Variants in SLC5A1 observed in about 807,000 individuals in gnomAD.
SLC5A1 encodes solute carrier family 5 member 1, also known as sodium/glucose cotransporter 1.
In SLC5A1, 42 loss-of-function variants were observed where a neutral mutation model predicts 73.5. The ratio of observed to expected loss-of-function variants is 0.57; its 90% CI spans 0.45 to 0.74. The LOEUF (loss-of-function observed/expected upper bound fraction) is 0.74, where lower values mean the gene tolerates loss of function less well. Ranked by LOEUF, SLC5A1 falls within the 30% of genes least tolerant of loss-of-function variation. The pLI is 0.00. For missense variants in SLC5A1, 634 were observed against 855.4 expected, an observed-to-expected ratio of 0.74 and a Z score of 3.23; for synonymous variants, 300 against 317.4, an observed-to-expected ratio of 0.95 and a Z score of 0.58.
At chr22:32,080,310 C>G (rs2093997496) in intron 5 of SLC5A1, among the ~76,000 whole-genome samples, 1 of 152,094 alleles carries the variant, frequency 6.6e-6, no homozygotes, top group Non-Finnish European at 1.5e-5. Flanking sequence ...CTCAAAAGGC[C>G]CACCTTCGGG....
At position 32,102,049 on chromosome 22, in the gene SLC5A1, C is replaced by A; in HGVS notation, c.1477C>A (p.Leu493Ile). ...PGAFWGLILG[L>I]LIGISRMITE... ...AGCCTTTTGGGGACTGATCCTAGGA[C>A]TTCTGATTGGGATTTCACGTATGAT... is the stretch of plus-strand genomic sequence containing the variant. Residue 493 changes from leucine (L) to isoleucine (I), a missense_variant, in exon 13 of 15, where the codon CTT becomes ATT. By Grantham distance (5) the Leu-to-Ile change is conservative (BLOSUM62 2). Around this residue, in one of 3 missense-constraint regions of SLC5A1, gnomAD observed 422 missense variants for 626.1 expected, o/e 0.67. Coordinates refer to ENST00000266088, the MANE Select transcript of SLC5A1 (RefSeq NM_000343.4). The A allele has an allele frequency of 6.2e-7, 1 of 1,614,110 alleles. No individual in the cohort carries two copies. The highest frequency in any genetic ancestry group is 8.5e-7 in the Non-Finnish European group (1 of 1,180,002).
chr22:32,068,583 A>C lies in SLC5A1; in HGVS notation c.460A>C (p.Ile154Leu). 1 of 1,611,602 alleles carries C rather than the reference A, an allele frequency of 6.2e-7. No individual in the cohort carries two copies. The highest frequency in any genetic ancestry group is 8.5e-7 in the Non-Finnish European group (1 of 1,179,026). Residue 154 changes from isoleucine to leucine, a missense_variant, in exon 5 of 15, where the codon ATT becomes CTT. This residue lies in a region of SLC5A1 where 422 missense variants were observed against 626.1 expected (regional missense o/e 0.67). Coordinates refer to ENST00000266088, the MANE Select transcript of SLC5A1 (RefSeq NM_000343.4). ...YLSLLSLLLY[I>L]FTKISADIFS... ...TTCCCTTCTGTCCCTGCTGCTCTAC[A>C]TTTTCACCAAGATCTCGGTGAGTCC... is the stretch of plus-strand genomic sequence containing the variant.
intron 12 of SLC5A1, among the ~76,000 whole-genome samples, chr22:32,101,595 A>C (rs2094036425): frequency 6.6e-6 from 1 of 152,212 alleles, no homozygotes; most frequent in Non-Finnish European, 1.5e-5. Context: ...AATACAAATT[A>C]CCTCACAAGT....
chr22:32,052,033 A>AT (rs1257875156), intron 2 of SLC5A1, among the ~76,000 whole-genome samples: 1 of 152,236 alleles, frequency 6.6e-6, no homozygotes, highest in Non-Finnish European at 1.5e-5. Context: ...AAGGACTGTC[A>AT]TATCACTTAT....
chr22:32,049,174 T>TATCTA (rs2093941666), intron 1 of SLC5A1, among the ~76,000 whole-genome samples: 1 of 7,130 alleles, frequency 1.4e-4, no homozygotes, highest in South Asian at 6.3e-3. Context: ...TCTATATCTA[T>TATCTA]ATCTATATCT....
chr22:32,072,244 A>G (rs1450831317), intron 5 of SLC5A1, among the ~76,000 whole-genome samples: 3 of 152,042 alleles, frequency 2.0e-5, no homozygotes, highest in South Asian at 2.1e-4. Flanking sequence ...CCCAGTGTCT[A>G]TTGTTCCCTT....
At position 32,047,624 on chromosome 22, in the gene SLC5A1, C is replaced by T. The variant is rs543541424; in HGVS notation, c.136-2319C>T. On this transcript the variant is annotated intron_variant, in intron 1 of 14. Transcript: ENST00000266088. ...ATGCTCTCCCGGGTACTGCCCAGCA[C>T]ATGGGGGTGCTCAAGAAATCTATGT... Among the ~76,000 whole-genome samples, 10 of 152,318 alleles carry T rather than the reference C, an allele frequency of 6.6e-5. No individual in the cohort carries two copies. The East Asian group carries it at 1.5e-3, about 23-fold the overall frequency.
Position 32,050,242 on chromosome 22 carries a change from A to G in SLC5A1, c.207+228A>G, listed in dbSNP as rs114380637. 6.0e-3 allele frequency among the ~76,000 whole-genome samples: 916 copies of G among 152,270 alleles called. 7 individuals are homozygous for G. The highest frequency in any genetic ancestry group is 0.021 in the African/African-American group (858 of 41,538). The stretch of plus-strand genomic sequence containing the variant: ...CCTTAGAGTCCTTCAATAAAATACA[A>G]AGTTGGTTCAAAGCCTATCATTGGT... On this transcript the variant is annotated intron_variant, in intron 2 of 14. Transcript: ENST00000266088.
At chr22:32,091,302 C>CACAT in intron 10 of SLC5A1, among the ~76,000 whole-genome samples, 1 of 35,256 alleles carries the variant, frequency 2.8e-5, no homozygotes, top group South Asian at 7.6e-4. Context: ...TACACAAACA[C>CACAT]ACACACACAC....
At chr22:32,088,450 C>A (rs535310487) in intron 10 of SLC5A1, among the ~76,000 whole-genome samples, 1 of 151,674 alleles carries the variant, frequency 6.6e-6, no homozygotes, top group Non-Finnish European at 1.5e-5. Context: ...AATTCTCCTG[C>A]CTTAGCCTCT....
At chr22:32,087,844 T>C (rs922715768) in intron 10 of SLC5A1, among the ~76,000 whole-genome samples, 3 of 152,006 alleles carry the variant, frequency 2.0e-5, no homozygotes, top group African/African-American at 4.8e-5. Flanking sequence ...CATTTTACAG[T>C]TGGGGAAACG....
intron 2 of SLC5A1, among the ~76,000 whole-genome samples, chr22:32,054,138 A>G (rs1157543010): frequency 6.6e-6 from 1 of 152,158 alleles, no homozygotes; most frequent in African/African-American, 2.4e-5. Flanking sequence ...GCACCATTGC[A>G]CTCCAGCTTG....
chr22:32,066,852 G>A (rs1171827889), intron 2 of SLC5A1, 83 bp from the exon 3 acceptor site: 1 of 940,930 alleles, frequency 1.1e-6, no homozygotes, highest in African/African-American at 1.6e-5. Context: ...TCTCTTGGCT[G>A]ACATGTCTCC....
intron 5 of SLC5A1, among the ~76,000 whole-genome samples, chr22:32,075,324 G>C (rs575251270): frequency 6.6e-6 from 1 of 152,136 alleles, no homozygotes; most frequent in Non-Finnish European, 1.5e-5. Context: ...ACTGGGAGCA[G>C]GGTCTCTCCA....
At chr22:32,095,313 T>G (rs1051236273) in intron 11 of SLC5A1, among the ~76,000 whole-genome samples, 1 of 152,216 alleles carries the variant, frequency 6.6e-6, no homozygotes, top group Non-Finnish European at 1.5e-5. Context: ...CAATGTATAT[T>G]CTGTGGTCAA....
intron 2 of SLC5A1, among the ~76,000 whole-genome samples, chr22:32,065,904 A>G (rs734091): frequency 6.6e-6 from 1 of 152,162 alleles, no homozygotes; most frequent in Admixed American, 6.5e-5. Flanking sequence ...CATCTTTGGG[A>G]CATTAGATAA....
At chr22:32,101,876 T>A in intron 12 of SLC5A1, 146 bp from the exon 13 acceptor site, 2 of 699,476 alleles carry the variant, frequency 2.9e-6, no homozygotes, top group Non-Finnish European at 5.2e-6. Context: ...TATTCTGAAC[T>A]TCAGTGTTCT....
Position 32,102,190 on chromosome 22 carries a change from A to G in SLC5A1, c.1618A>G (p.Thr540Ala), listed in dbSNP as rs200105476. Reference sequence around the variant, plus strand: ...TATCCTCTTCGCCATTTCTTTCATCACCATCGTGGTCATCTCCCTCCTCAC... The same window carrying G: ...TATCCTCTTCGCCATTTCTTTCATCGCCATCGTGGTCATCTCCCTCCTCAC... ...AIILFAISFITIVVISLLTKP... is the reference protein window; with the variant it reads ...AIILFAISFIAIVVISLLTKP... The change falls in exon 13 of 15, where the codon ACC becomes GCC. Residue 540 changes from threonine (T) to alanine (A), a missense_variant. Physicochemically the swap from Thr to Ala is moderately conservative, Grantham distance 58. This residue lies in a region of SLC5A1 where 161 missense variants were observed against 178.7 expected (regional missense o/e 0.90). Transcript: ENST00000266088. 73 of 1,613,646 alleles carry G rather than the reference A, an allele frequency of 4.5e-5. No homozygotes were observed. Among genetic ancestry groups the G allele is most frequent in the Non-Finnish European group, 5.6e-5 (66 of 1,179,940 alleles).
chr22:32,099,105 A>AATATATATATATATATATATATATAT (rs765568860), intron 11 of SLC5A1, 78 bp from the exon 12 acceptor site: 4 of 56,518 alleles, frequency 7.1e-5, no homozygotes, highest in Non-Finnish European at 1.3e-4. Flanking sequence ...AAAAAAAAAA[A>AATATATATATATATATATATATATAT]ATATATATAT....
Sources: allele counts gnomAD v4.1 joint callset (sites outside exome capture counted in the v4.1 genomes callset), GRCh38; gene constraint gnomAD v4.1.1; regional missense constraint gnomAD v4.1.1; transcripts MANE v1.5; gene names NCBI Gene and HGNC (gene_info 2026-07-23, HGNC 2026-07-21).